The following SEMA6D variants were observed in gnomAD, a reference collection of about 807,000 sequenced individuals.
SEMA6D encodes semaphorin-6D.
A neutral mutation model predicts 106.6 loss-of-function variants in SEMA6D; 35 were observed. The ratio of observed to expected loss-of-function variants is 0.33; its 90% confidence interval spans 0.25 to 0.44. The LOEUF (loss-of-function observed/expected upper bound fraction) is 0.44. Ranked by LOEUF, SEMA6D falls within the 20% of genes least tolerant of loss-of-function variation. The pLI is 1.00. For synonymous variants in SEMA6D, 499 were observed against 487.7 expected, an observed-to-expected ratio of 1.02 and a Z score of -0.31; for missense variants, 1,185 against 1,345.9, an observed-to-expected ratio of 0.88 and a Z score of 1.87.
At chr15:47,271,090 A>C (rs2034541580) in intron 1 of SEMA6D, among the ~76,000 whole-genome samples, 1 of 152,204 alleles carries the variant, frequency 6.6e-6, no homozygotes, top group Non-Finnish European at 1.5e-5. Flanking sequence ...TCTATATTTA[A>C]TGAAATACAC....
At chr15:47,332,684 T>C (rs1475509830) in intron 1 of SEMA6D, among the ~76,000 whole-genome samples, 1 of 152,146 alleles carries the variant, frequency 6.6e-6, no homozygotes, top group Non-Finnish European at 1.5e-5. Context: ...TAAGGAGTGA[T>C]ATGGGTGAGA....
chr15:47,258,549 T>A (rs1162161462), intron 1 of SEMA6D, among the ~76,000 whole-genome samples: 2 of 152,190 alleles, frequency 1.3e-5, no homozygotes. Flanking sequence ...CATCTTTTCA[T>A]GCCCTCAGTT....
At chr15:47,474,067 T>C (rs2042934091) in intron 3 of SEMA6D, among the ~76,000 whole-genome samples, 1 of 152,176 alleles carries the variant, frequency 6.6e-6, no homozygotes, top group Admixed American at 6.5e-5. Context: ...GGAGGCTTAA[T>C]TCCTAGCTGG....
At chr15:47,202,977 C>T (rs1256828722) in intron 1 of SEMA6D, among the ~76,000 whole-genome samples, 1 of 152,114 alleles carries the variant, frequency 6.6e-6, no homozygotes, top group African/African-American at 2.4e-5. Flanking sequence ...CTCTTTCTTT[C>T]CTTTTAGTGA....
intron 1 of SEMA6D, among the ~76,000 whole-genome samples, chr15:47,753,329 C>T (rs143334181): frequency 6.6e-6 from 1 of 152,270 alleles, no homozygotes; most frequent in East Asian, 1.9e-4. Context: ...GTGCTTGTCT[C>T]AACTAGTGCT....
At chr15:47,669,639 C>T (rs535984468) in intron 4 of SEMA6D, among the ~76,000 whole-genome samples, 1 of 152,350 alleles carries the variant, frequency 6.6e-6, no homozygotes, top group East Asian at 1.9e-4. Flanking sequence ...GATGACCCCA[C>T]CGATCTCCTT....
chr15:47,357,149 A>G (rs1357125605), intron 1 of SEMA6D, among the ~76,000 whole-genome samples: 2 of 152,144 alleles, frequency 1.3e-5, no homozygotes, highest in Non-Finnish European at 2.9e-5. Context: ...CCTGGCTAAC[A>G]TGGTGAAACC....
chr15:47,279,809 G>A (rs1258455318), intron 1 of SEMA6D, among the ~76,000 whole-genome samples: 1 of 151,048 alleles, frequency 6.6e-6, no homozygotes, highest in Non-Finnish European at 1.5e-5. Context: ...CTTTGGTTCT[G>A]TTTATATGCT....
chr15:47,386,420 G>A (rs1820952782), intron 1 of SEMA6D, among the ~76,000 whole-genome samples: 1 of 152,214 alleles, frequency 6.6e-6, no homozygotes, highest in Non-Finnish European at 1.5e-5. Flanking sequence ...TGAGCATTCA[G>A]TTAGTGGAAT....
intron 3 of SEMA6D, among the ~76,000 whole-genome samples, chr15:47,580,130 T>G (rs191752894): frequency 3.3e-5 from 5 of 152,264 alleles, no homozygotes; most frequent in Admixed American, 2.6e-4. Context: ...TCTGAGTTAG[T>G]AGAGAATGAT....
At chr15:47,503,689 T>C (rs970121757) in intron 3 of SEMA6D, among the ~76,000 whole-genome samples, 1 of 148,594 alleles carries the variant, frequency 6.7e-6, no homozygotes, top group Non-Finnish European at 1.5e-5. Context: ...TCTCTCTCTG[T>C]CACACACACA....
chr15:47,735,697 A>C (rs1567045784), intron 1 of SEMA6D, among the ~76,000 whole-genome samples: 1 of 152,166 alleles, frequency 6.6e-6, no homozygotes, highest in African/African-American at 2.4e-5. Context: ...AGTGTCTCTA[A>C]TCACCCGCCT....
intron 1 of SEMA6D, among the ~76,000 whole-genome samples, chr15:47,753,922 T>C (rs941064900): frequency 1.3e-5 from 2 of 152,204 alleles, no homozygotes; most frequent in Non-Finnish European, 2.9e-5. Flanking sequence ...AGGATAGCTT[T>C]CAAATCAACA....
chr15:47,260,553 T>C (rs2034022436), intron 1 of SEMA6D, among the ~76,000 whole-genome samples: 2 of 152,066 alleles, frequency 1.3e-5, no homozygotes, highest in Admixed American at 1.3e-4. Context: ...GGAAAAGAAG[T>C]CTCGAAGAGA....
intron 1 of SEMA6D, among the ~76,000 whole-genome samples, chr15:47,303,236 A>AT (rs139970446): frequency 0.012 from 1,773 of 152,308 alleles, 35 homozygotes; most frequent in African/African-American, 0.038. Flanking sequence ...TTGTGGAAAT[A>AT]TTGAAAGCAC....
rs1238053646 is a variant in SEMA6D at position 47,494,267 on chromosome 15, A to T, written c.-87+23722A>T. On this transcript the variant is annotated intron_variant, in intron 3 of 19. Coordinates refer to the SEMA6D transcript ENST00000558014. ...CAGCAACGGTGCAGTTTTGATGGCTATCGCTTTCTATATTCTAGAAATGTA... is the reference window on the plus strand; with the variant it reads ...CAGCAACGGTGCAGTTTTGATGGCTTTCGCTTTCTATATTCTAGAAATGTA... Among the ~76,000 whole-genome samples the T allele has an allele frequency of 2.0e-5, 3 of 152,122 alleles. No individual in the cohort carries two copies. The East Asian group carries it at 5.8e-4, about 29-fold the overall frequency.
rs375387831 is a variant in SEMA6D at position 47,637,603 on chromosome 15, G to C, written c.-55+36707G>C. 1.8e-3 allele frequency among the ~76,000 whole-genome samples: 268 copies of C among 152,268 alleles called. 1 individual carries two copies. The highest frequency in any genetic ancestry group is 6.2e-3 in the African/African-American group (258 of 41,546). Reference sequence around the variant, plus strand: ...TCAATGAGAATGATTTTCATGCTGGGAATCACAGACCAGGTAGTAAATAGG... The same window carrying C: ...TCAATGAGAATGATTTTCATGCTGGCAATCACAGACCAGGTAGTAAATAGG... On this transcript the variant is annotated intron_variant, in intron 4 of 19. Transcript: ENST00000558014.
intron 3 of SEMA6D, among the ~76,000 whole-genome samples, chr15:47,513,362 T>C (rs2044290232): frequency 1.3e-5 from 2 of 152,188 alleles, no homozygotes; most frequent in South Asian, 4.1e-4. Flanking sequence ...CTGGCTGATT[T>C]GTCATGCAAT....
chr15:47,655,320 G>C (rs548293160), intron 4 of SEMA6D, among the ~76,000 whole-genome samples: 2 of 152,324 alleles, frequency 1.3e-5, no homozygotes, highest in African/African-American at 4.8e-5. Context: ...ACATTTATGT[G>C]TATATTTTTA....
Sources: allele counts gnomAD v4.1 joint callset (sites outside exome capture counted in the v4.1 genomes callset), GRCh38; gene constraint gnomAD v4.1.1; transcripts MANE v1.5; gene names NCBI Gene and HGNC (gene_info 2026-07-23, HGNC 2026-07-21).